The following COL6A5 variants were observed in gnomAD, a reference collection of about 807,000 sequenced individuals.
COL6A5 encodes the protein collagen alpha-5(VI) chain.
COL6A5 carries 48 observed loss-of-function variants against 65.6 expected under a neutral mutation model. The observed-to-expected ratio is 0.73, with a 90% CI of 0.58 to 0.93. The LOEUF (loss-of-function observed/expected upper bound fraction) is 0.93, where lower values mean the gene tolerates loss of function less well. Among genes scored for constraint, COL6A5 ranks in the 40% least tolerant of loss-of-function variants. The pLI is 0.00. For synonymous variants in COL6A5, 291 were observed against 322.8 expected (o/e 0.90, Z 1.05); for missense variants, 914 against 928.3 (o/e 0.98, Z 0.20).
intron 13 of COL6A5, 135 bp from the exon 14 acceptor site, chr3:130,405,453 T>A (rs75754894): frequency 0.021 from 12,342 of 590,202 alleles, 340 homozygotes; most frequent in East Asian, 0.11. Flanking sequence ...CACTTTTGAA[T>A]CCTTTTTGAA....
intron 4 of COL6A5, among the ~76,000 whole-genome samples, chr3:130,451,190 C>T (rs183974266): frequency 6.6e-5 from 10 of 152,196 alleles, no homozygotes; most frequent in Admixed American, 2.0e-4. Context: ...GGGTCTAGCG[C>T]GACCGGATAA....
chr3:130,351,344 A>C (rs772659843), intron 1 of COL6A5, among the ~76,000 whole-genome samples: 1 of 152,222 alleles, frequency 6.6e-6, no homozygotes, highest in African/African-American at 2.4e-5. Flanking sequence ...GCCTCTGCAC[A>C]GCAAAAGAAA....
intron 7 of COL6A5, among the ~76,000 whole-genome samples, chr3:130,478,028 TA>T (rs1430032191): frequency 6.6e-6 from 1 of 152,076 alleles, no homozygotes; most frequent in Non-Finnish European, 1.5e-5. Flanking sequence ...GAGCCAGCTG[TA>T]AATTTGAATC....
At chr3:130,414,871 G>A (rs1049796060) in intron 22 of COL6A5, among the ~76,000 whole-genome samples, 1 of 152,076 alleles carries the variant, frequency 6.6e-6, no homozygotes, top group Admixed American at 6.6e-5. Flanking sequence ...TGGAATTTGG[G>A]ATTCTCTTGA....
exon 3 of COL6A5, chr3:130,376,336 T>C (rs113396273): frequency 0.021 from 34,404 of 1,613,702 alleles, 470 homozygotes; most frequent in Non-Finnish European, 0.025. Context: ...ATCAACAAAA[T>C]GATCAACAGT....
intron 5 of COL6A5, 21 bp downstream of exon 37, chr3:130,455,687 G>T (rs368196562): frequency 6.4e-7 from 1 of 1,556,350 alleles, no homozygotes; most frequent in South Asian, 1.1e-5. Flanking sequence ...GAAAAGTCAT[G>T]ATGGAAATGT....
Position 130,446,917 on chromosome 3 carries a change from A to G in COL6A5, c.1332+3351A>G, listed in dbSNP as rs188923791. Among the ~76,000 whole-genome samples the G allele has an allele frequency of 8.8e-4, 134 of 152,304 alleles. 2 individuals carry two copies. The East Asian group carries it at 0.021, about 24-fold the overall frequency. ...ATTATCTTTAGGAACATTTAAAAAA[A>G]TTAGAGTAAACAATGCCAAATGTAA... On this transcript the variant is annotated intron_variant, in intron 4 of 7. Transcript: ENST00000512836.
chr3:130,395,977 C>A (rs1018500922), intron 8 of COL6A5, among the ~76,000 whole-genome samples: 91 of 152,084 alleles, frequency 6.0e-4, no homozygotes, highest in African/African-American at 1.7e-3. Flanking sequence ...TACTAAAGAT[C>A]TGAATTGTCT....
exon 4 of COL6A5, chr3:130,379,836 A>C: frequency 1.9e-6 from 3 of 1,551,340 alleles, no homozygotes; most frequent in Non-Finnish European, 2.6e-6. Context: ...TGAACCTTCG[A>C]CTGGAGGATG....
intron 10 of COL6A5, 32 bp from the exon 11 acceptor site, chr3:130,400,999 G>T: frequency 6.7e-7 from 1 of 1,496,532 alleles, no homozygotes; most frequent in Non-Finnish European, 8.9e-7. Flanking sequence ...CAACCCCTTT[G>T]CTTTATTTAT....
intron 8 of COL6A5, among the ~76,000 whole-genome samples, chr3:130,397,196 A>T (rs974013300): frequency 3.9e-5 from 6 of 152,174 alleles, no homozygotes; most frequent in Non-Finnish European, 8.8e-5. Context: ...TGACTATGTG[A>T]ATCAAAATAT....
chr3:130,414,306 G>A (rs915298626), intron 22 of COL6A5, among the ~76,000 whole-genome samples, 175 bp downstream of exon 22: 9 of 152,074 alleles, frequency 5.9e-5, no homozygotes, highest in African/African-American at 1.9e-4. Flanking sequence ...TTCGTTGTTC[G>A]TAGGTCACTA....
chr3:130,454,542 C>T (rs1016513772), intron 4 of COL6A5, among the ~76,000 whole-genome samples: 9 of 152,174 alleles, frequency 5.9e-5, no homozygotes, highest in Non-Finnish European at 1.2e-4. Flanking sequence ...AATGCAAACA[C>T]GGACATTGAA....
chr3:130,480,044 C>G (rs1469775458), intron 7 of COL6A5, among the ~76,000 whole-genome samples: 1 of 151,938 alleles, frequency 6.6e-6, no homozygotes, highest in Admixed American at 6.6e-5. Flanking sequence ...TGACATTGCT[C>G]TGATAAAACT....
At chr3:130,410,829 T>A (rs972820493) in intron 20 of COL6A5, among the ~76,000 whole-genome samples, 7 of 152,090 alleles carry the variant, frequency 4.6e-5, no homozygotes, top group Non-Finnish European at 7.4e-5. Context: ...CTGTGGTGGA[T>A]GTAGTAGTGG....
At chr3:130,373,669 A>G in exon 2 of COL6A5, 1 of 1,543,370 alleles carries the variant, frequency 6.5e-7, no homozygotes, top group Non-Finnish European at 8.8e-7. Context: ...ATTTGTCCTA[A>G]TCATTTGGAC....
intron 1 of COL6A5, among the ~76,000 whole-genome samples, chr3:130,372,669 G>A (rs1232363315): frequency 2.0e-5 from 3 of 152,182 alleles, no homozygotes; most frequent in African/African-American, 7.2e-5. Context: ...TAGAAGGGGA[G>A]TGGGGGAATG....
intron 4 of COL6A5, among the ~76,000 whole-genome samples, chr3:130,448,707 G>T (rs936896316): frequency 1.3e-5 from 2 of 152,126 alleles, no homozygotes; most frequent in African/African-American, 4.8e-5. Context: ...GGGAAATTGG[G>T]CTCGAACTGG....
chr3:130,367,051 C>G (rs1005121581), intron 1 of COL6A5, among the ~76,000 whole-genome samples: 4 of 152,138 alleles, frequency 2.6e-5, no homozygotes, highest in African/African-American at 9.7e-5. Context: ...TATTTCAGTT[C>G]CATAAATTAT....
Sources: allele counts gnomAD v4.1 joint callset (sites outside exome capture counted in the v4.1 genomes callset), GRCh38; gene constraint gnomAD v4.1.1; transcripts MANE v1.5; gene names NCBI Gene and HGNC (gene_info 2026-07-23, HGNC 2026-07-21).